VWA8: variants seen among roughly 807,000 people sequenced by gnomAD.
The protein encoded by VWA8 is von Willebrand factor A domain containing 8, also known as von Willebrand factor A domain-containing protein 8.
A neutral mutation model predicts 241.5 loss-of-function variants in VWA8; 221 were observed. The ratio of observed to expected loss-of-function variants is 0.91; its 90% confidence interval spans 0.82 to 1.02. VWA8 has a LOEUF of 1.02. Ranked by LOEUF, VWA8 falls within the 50% of genes least tolerant of loss-of-function variation. The pLI is 0.00. For synonymous variants in VWA8, 852 were observed against 827.1 expected, an observed-to-expected ratio of 1.03 and a Z score of -0.52; for missense variants, 2,322 against 2,328.7, an observed-to-expected ratio of 1.00 and a Z score of 0.06.
intron 3 of VWA8, among the ~76,000 whole-genome samples, chr13:41,908,522 A>C (rs2138109276): frequency 6.6e-6 from 1 of 152,148 alleles, no homozygotes; most frequent in Middle Eastern, 3.4e-3. Flanking sequence ...GAAGATAAAT[A>C]CACATGCATA....
chr13:41,640,076 T>C (rs1420192259), intron 37 of VWA8, among the ~76,000 whole-genome samples: 2 of 152,174 alleles, frequency 1.3e-5, no homozygotes, highest in Non-Finnish European at 2.9e-5. Context: ...TGTAGCCAAG[T>C]ATATTCAAGG....
At chr13:41,939,492 C>A (rs1376546686) in intron 2 of VWA8, among the ~76,000 whole-genome samples, 2 of 151,582 alleles carry the variant, frequency 1.3e-5, no homozygotes, top group Non-Finnish European at 2.9e-5. Context: ...AAAAAAAAAA[C>A]TGAAGAGTAA....
intron 17 of VWA8, 66 bp from the exon 18 acceptor site, chr13:41,787,609 C>CAT (rs1463515814): frequency 4.8e-5 from 26 of 544,784 alleles, no homozygotes; most frequent in Non-Finnish European, 8.8e-5. Flanking sequence ...TTCTTAAATA[C>CAT]ACACACACAC....
chr13:41,938,303 A>C (rs1428627696), intron 2 of VWA8, among the ~76,000 whole-genome samples: 1 of 152,174 alleles, frequency 6.6e-6, no homozygotes, highest in East Asian at 1.9e-4. Flanking sequence ...ACTTCAGAAC[A>C]CGTTCAAGGG....
At chr13:41,872,343 G>T (rs1873670379) in intron 9 of VWA8, among the ~76,000 whole-genome samples, 1 of 152,140 alleles carries the variant, frequency 6.6e-6, no homozygotes, top group African/African-American at 2.4e-5. Flanking sequence ...GGCTTTTCTT[G>T]CCATTGCTTT....
At chr13:41,877,304 C>T (rs1873944152) in intron 9 of VWA8, among the ~76,000 whole-genome samples, 1 of 151,998 alleles carries the variant, frequency 6.6e-6, no homozygotes, top group Non-Finnish European at 1.5e-5. Context: ...CATCCTTCTT[C>T]TGAAACATTT....
In VWA8 at chr13:41,570,695, G is replaced by A. The variant is rs759000358; in HGVS notation, c.5382C>T (p.Ala1794=). ...QRLEILKTMH[A]HSQFCMSGDH... is the part of the protein sequence containing the mutation. ...CCCCACTCATGCAGAACTGAGAGTGGGCATGCATTGTCTGGAGGTAAAAGA... is the reference window on the plus strand; with the variant it reads ...CCCCACTCATGCAGAACTGAGAGTGAGCATGCATTGTCTGGAGGTAAAAGA... The change falls in exon 44 of 45, where the codon GCC becomes GCT. Residue 1794 remains alanine, a synonymous_variant. Transcript: ENST00000379310. The A allele has an allele frequency of 6.2e-6, 10 of 1,612,182 alleles. 1 individual carries two copies. In the South Asian group the frequency reaches 8.8e-5, roughly 14 times the overall value.
Position 41,575,835 on chromosome 13 carries a change from C to T in VWA8, c.5275G>A (p.Asp1759Asn). The change falls in exon 43 of 45, where the codon GAC becomes AAC. Residue 1759 changes from aspartate (D) to asparagine (N), a missense_variant. Physicochemically the swap from Asp to Asn is conservative, Grantham distance 23 (BLOSUM62 1). Coordinates refer to ENST00000379310, the MANE Select transcript of VWA8 (RefSeq NM_015058.2). ...FENYEEKFQY[D>N]IVGHSGDGYN... ...CCATCTCCAGAGTGTCCAACGATGT[C>T]ATACTACATGCAAGAGAACCAGAAA... 3.7e-6 allele frequency: 6 copies of T among 1,608,042 alleles called. No homozygotes were observed. Among genetic ancestry groups the T allele is most frequent in the Non-Finnish European group, 5.1e-6 (6 of 1,177,782 alleles).
chr13:41,868,581 T>A, intron 9 of VWA8, 104 bp from the exon 10 acceptor site: 3 of 1,319,262 alleles, frequency 2.3e-6, no homozygotes, highest in Non-Finnish European at 3.0e-6. Context: ...CATTTTATAT[T>A]ATTATATAAA....
chr13:41,717,935 C>A (rs887727432), intron 26 of VWA8, among the ~76,000 whole-genome samples: 2 of 151,988 alleles, frequency 1.3e-5, no homozygotes, highest in Non-Finnish European at 1.5e-5. Context: ...TGCTTCTACT[C>A]AAAAGTACTA....
At chr13:41,871,706 T>A (rs1461710770) in intron 9 of VWA8, among the ~76,000 whole-genome samples, 1 of 152,154 alleles carries the variant, frequency 6.6e-6, no homozygotes, top group African/African-American at 2.4e-5. Context: ...AGTCTATCGT[T>A]GTTGGACATT....
chr13:41,609,364 C>T (rs1222396003), intron 39 of VWA8, among the ~76,000 whole-genome samples: 1 of 152,114 alleles, frequency 6.6e-6, no homozygotes, highest in Non-Finnish European at 1.5e-5. Flanking sequence ...TTTTTAAAGA[C>T]TTAATAATAG....
Position 41,907,854 on chromosome 13 carries a change from A to C in VWA8, c.373-158T>G, listed in dbSNP as rs533055359. 2.8e-4 allele frequency among the ~76,000 whole-genome samples: 42 copies of C among 152,358 alleles called. 2 individuals are homozygous for C. Among genetic ancestry groups the C allele is most frequent in the African/African-American group, 9.9e-4 (41 of 41,574 alleles). ...TGAATCTAAGTTTGAGAAAAAAGAA[A>C]TAAATTGAACTTTAATCAAAATATC... On this transcript the variant is annotated intron_variant, in intron 3 of 44. Transcript: ENST00000379310.
chr13:41,901,935 T>G (rs950795033), intron 4 of VWA8, among the ~76,000 whole-genome samples: 1 of 137,236 alleles, frequency 7.3e-6, no homozygotes, highest in Non-Finnish European at 1.5e-5. Flanking sequence ...TATATTTGCA[T>G]ACATATATAT....
intron 19 of VWA8, among the ~76,000 whole-genome samples, chr13:41,778,284 T>C (rs1868710794): frequency 6.6e-6 from 1 of 152,168 alleles, no homozygotes; most frequent in South Asian, 2.1e-4. Context: ...ACTAAGCAAC[T>C]GACCAACATT....
At chr13:41,955,004 C>A (rs1003156437) in intron 1 of VWA8, among the ~76,000 whole-genome samples, 10 of 152,088 alleles carry the variant, frequency 6.6e-5, no homozygotes, top group African/African-American at 2.2e-4. Context: ...AAGTTTTAAT[C>A]ATCATTTTAT....
intron 12 of VWA8, among the ~76,000 whole-genome samples, chr13:41,861,957 A>G (rs1873026034): frequency 6.6e-6 from 1 of 152,246 alleles, no homozygotes; most frequent in African/African-American, 2.4e-5. Context: ...CCTAAAATTC[A>G]TATAGACTCA....
chr13:41,913,072 A>G (rs1876087525), intron 2 of VWA8, among the ~76,000 whole-genome samples: 2 of 152,196 alleles, frequency 1.3e-5, no homozygotes, highest in African/African-American at 4.8e-5. Flanking sequence ...CAAAAACAGA[A>G]TAAAAGACCC....
intron 26 of VWA8, among the ~76,000 whole-genome samples, chr13:41,704,678 A>C (rs1170305375): frequency 6.6e-6 from 1 of 152,000 alleles, no homozygotes; most frequent in Non-Finnish European, 1.5e-5. Flanking sequence ...TGTGTTGCCC[A>C]GGCTGGTCTC....
Sources: gnomAD v4.1 joint callset for allele counts (sites outside exome capture counted in the v4.1 genomes callset) on GRCh38, gnomAD v4.1.1 for gene constraint, MANE v1.5 for transcripts, NCBI Gene and HGNC (gene_info 2026-07-23, HGNC 2026-07-21) for gene names.